Variants in PRDM7 observed in about 807,000 individuals in gnomAD.
The protein encoded by PRDM7 is histone-lysine N-methyltransferase PRDM7.
PRDM7 carries 52 observed loss-of-function variants against 64.3 expected under a neutral mutation model. The ratio of observed to expected loss-of-function variants is 0.81; its 90% CI spans 0.65 to 1.02. The LOEUF (loss-of-function observed/expected upper bound fraction) is 1.02, where lower values mean the gene tolerates loss of function less well. Ranked by LOEUF, PRDM7 falls within the 50% of genes least tolerant of loss-of-function variation. The probability of loss-of-function intolerance (pLI) is 0.00; values close to 1 mark genes in which losing one functional copy is unlikely to be tolerated. For missense variants in PRDM7, 574 were observed against 597.1 expected (o/e 0.96, Z 0.40); for synonymous variants, 192 against 210.1 (o/e 0.91, Z 0.74).
chr16:90,063,043 A>G (rs1283230881), intron 6 of PRDM7, among the ~76,000 whole-genome samples: 2 of 152,236 alleles, frequency 1.3e-5, no homozygotes, highest in Non-Finnish European at 2.9e-5. Context: ...ACAGATTACC[A>G]TTCAGGAGCC....
intron 4 of PRDM7, among the ~76,000 whole-genome samples, chr16:90,068,896 G>A (rs906071969): frequency 2.6e-5 from 4 of 151,306 alleles, no homozygotes; most frequent in East Asian, 1.9e-4. Context: ...TCCTGTGTTC[G>A]TGGATTTGAA....
chr16:90,057,803 T>G lies in PRDM7; in HGVS notation c.*486A>C. On this transcript the variant is annotated 3_prime_UTR_variant, in exon 11 of 11. Transcript: ENST00000449207. ...TGTGTGGTGATCACGTTTGTCTTCT[T>G]GTGGCTATTGAGATAAGGTTTTATT... The G allele has an allele frequency of 1.4e-6, 2 of 1,389,406 alleles. No homozygotes were observed. Among genetic ancestry groups the G allele is most frequent in the Non-Finnish European group, 1.9e-6 (2 of 1,042,008 alleles). The allele number at this position is 1,389,406 out of a possible 1,614,324, so 86.1% of individuals were successfully genotyped here. A position where few individuals can be genotyped will look rare whatever the true frequency, so the allele number is the denominator to read the frequency against.
intron 4 of PRDM7, among the ~76,000 whole-genome samples, chr16:90,069,724 T>C (rs2037929112): frequency 6.6e-6 from 1 of 150,996 alleles, no homozygotes; most frequent in East Asian, 1.9e-4. Context: ...CAGGGCAACA[T>C]AGTGAGACCT....
chr16:90,066,939 G>C (rs1485055842), intron 4 of PRDM7, 29 bp from the exon 5 acceptor site: 43 of 1,561,146 alleles, frequency 2.8e-5, no homozygotes, highest in Non-Finnish European at 3.5e-5. Context: ...TCAGTGGTTT[G>C]GTTGGTAAAT....
rs1316221579 is a variant in PRDM7 at position 90,075,342 on chromosome 16, T to C, written c.193+9A>G. 6.2e-7 allele frequency: 1 copy of C among 1,614,258 alleles called. No individual in the cohort carries two copies. The highest frequency in any genetic ancestry group is 2.2e-5 in the East Asian group (1 of 44,884). The stretch of plus-strand genomic sequence containing the variant: ...CCCAGGCTGGTCTGTGCCCAGCACT[T>C]CCTGTTACCTACAGTAATCAGTGCA... On this transcript the variant is annotated intron_variant, in intron 3 of 10. Coordinates refer to ENST00000449207, the MANE Select transcript of PRDM7 (RefSeq NM_001098173.2). The surrounding 1 kb of genome is among the most constrained non-coding windows in gnomAD (Gnocchi z 4.3).
At chr16:90,076,127 A>G in intron 1 of PRDM7, 132 bp from the exon 2 acceptor site, 1 of 592,266 alleles carries the variant, frequency 1.7e-6, no homozygotes, top group Non-Finnish European at 3.0e-6. Context: ...CGAGCACCCC[A>G]GGGAGGTCTG....
chr16:90,066,401 A>T (rs2037872945), intron 5 of PRDM7, among the ~76,000 whole-genome samples: 1 of 151,330 alleles, frequency 6.6e-6, no homozygotes, highest in Admixed American at 6.6e-5. Flanking sequence ...GTAAAGACAT[A>T]TGGGTAAGAC....
In PRDM7 at chr16:90,067,259, C is replaced by G. The variant is rs566646445; in HGVS notation, c.302-349G>C. Among the ~76,000 whole-genome samples, 2 of 151,224 alleles carry G rather than the reference C, an allele frequency of 1.3e-5. 1 individual carries two copies. The highest frequency in any genetic ancestry group is 4.9e-5 in the African/African-American group (2 of 40,622). On this transcript the variant is annotated intron_variant, in intron 4 of 10. Transcript: ENST00000449207. ...GAGATTACAGGCGTGAGCCACTATG[C>G]TTGGCCTAACTCTGGAGTTTCTCAT...
chr16:90,071,103 C>A (rs1287855134), intron 4 of PRDM7, among the ~76,000 whole-genome samples: 2 of 152,108 alleles, frequency 1.3e-5, no homozygotes, highest in South Asian at 2.1e-4. Flanking sequence ...CTGCTGCTTT[C>A]CTAGAATGCA....
In PRDM7 at chr16:90,056,827, AGGG is replaced by A. The variant is rs1312603500; in HGVS notation, c.*1459_*1461del. The A allele has an allele frequency of 6.6e-6, 1 of 152,244 alleles. No individual in the cohort carries two copies. The highest frequency in any genetic ancestry group is 1.5e-5 in the Non-Finnish European group (1 of 68,070). 9.4% of individuals were successfully genotyped at this position (152,244 alleles called of 1,614,324 possible). A position where few individuals can be genotyped will look rare whatever the true frequency, so the allele number is the denominator to read the frequency against. ...TATAGATAACATCAGTTGCTAGGTC[AGGG>A]GTCGAATTTTAACTACCAGGCTTAG... is the stretch of plus-strand genomic sequence containing the variant. On this transcript the variant is annotated 3_prime_UTR_variant, in exon 11 of 11. Coordinates refer to ENST00000449207, the MANE Select transcript of PRDM7 (RefSeq NM_001098173.2).
chr16:90,066,074 C>T (rs2037868415), intron 5 of PRDM7, among the ~76,000 whole-genome samples: 4 of 151,458 alleles, frequency 2.6e-5, no homozygotes, highest in Admixed American at 2.0e-4. Context: ...CTGCCTTCTA[C>T]AGGAATGAGC....
chr16:90,073,620 T>C (rs1373808501), intron 4 of PRDM7, among the ~76,000 whole-genome samples: 7 of 151,978 alleles, frequency 4.6e-5, no homozygotes, highest in Admixed American at 4.6e-4. Context: ...AGGATGGTCT[T>C]GATCTCCTGA....
In PRDM7 at chr16:90,075,207, A is replaced by G; in HGVS notation, c.193+144T>C. ...CCACACACAACCCTGCACTGACGCA[A>G]AAGAACAATATTTCCCTCCAGATTT... On this transcript the variant is annotated intron_variant, in intron 3 of 10. Transcript: ENST00000449207. This position sits in a 1 kb window ranked among gnomAD's most constrained non-coding sequence, Gnocchi z 4.3. 2 of 1,505,850 alleles carry G rather than the reference A, an allele frequency of 1.3e-6. No homozygotes were observed. Among genetic ancestry groups the G allele is most frequent in the Non-Finnish European group, 1.8e-6 (2 of 1,095,000 alleles). The allele number at this position is 1,505,850 out of a possible 1,614,324, so 93.3% of individuals were successfully genotyped here.
chr16:90,062,292 C>T, intron 7 of PRDM7, 100 bp from the exon 8 acceptor site: 1 of 1,613,758 alleles, frequency 6.2e-7, no homozygotes, highest in African/African-American at 1.3e-5. Flanking sequence ...TAGCCCCAAT[C>T]CTGTACTTTA....
chr16:90,062,234 T>C (rs1461772466), intron 7 of PRDM7, 42 bp from the exon 8 acceptor site: 6 of 1,614,122 alleles, frequency 3.7e-6, no homozygotes, highest in Non-Finnish European at 4.2e-6. Context: ...TTGTAATGCA[T>C]GTTCCTTGAT....
chr16:90,057,847 C>T lies in PRDM7; in HGVS notation c.*442G>A. The T allele has an allele frequency of 1.3e-6, 2 of 1,506,014 alleles. No individual in the cohort carries two copies. Among genetic ancestry groups the T allele is most frequent in the Non-Finnish European group, 9.0e-7 (1 of 1,111,242 alleles). 93.3% of individuals were successfully genotyped at this position (1,506,014 alleles called of 1,614,324 possible). On this transcript the variant is annotated 3_prime_UTR_variant, in exon 11 of 11. Transcript: ENST00000449207. The stretch of plus-strand genomic sequence containing the variant: ...TTTTATTACTAATGACTTACTCATC[C>T]TTCCTGCAGACTGGGGCGTCTCCCC...
rs948683781 is a variant in PRDM7 at position 90,077,329 on chromosome 16, C to CA, written c.-190dup. ...GGCCGGGCGTCTTCTCGGAGCCGCT[C>CA]AGGAGGTGAGACGCGGTGGGTGCCA... On this transcript the variant is annotated 5_prime_UTR_variant, in exon 1 of 11. Coordinates refer to ENST00000449207, the MANE Select transcript of PRDM7 (RefSeq NM_001098173.2). 3.8e-4 allele frequency: 58 copies of CA among 152,294 alleles called. 1 individual carries two copies. Among genetic ancestry groups the CA allele is most frequent in the African/African-American group, 1.3e-3 (53 of 41,470 alleles). 9.4% of individuals were successfully genotyped at this position (152,294 alleles called of 1,614,324 possible).
chr16:90,076,021 G>A, intron 1 of PRDM7, 26 bp from the exon 2 acceptor site: 1 of 1,251,512 alleles, frequency 8.0e-7, no homozygotes, highest in South Asian at 1.3e-5. Context: ...GTGCTGAGAT[G>A]GGGCAACAGC....
intron 5 of PRDM7, among the ~76,000 whole-genome samples, chr16:90,065,134 G>A (rs1386373549): frequency 6.7e-6 from 1 of 148,926 alleles, no homozygotes; most frequent in Non-Finnish European, 1.5e-5. Context: ...AGGCACAGTG[G>A]CTCACACCTG....
Sources: gnomAD v4.1 joint callset for allele counts (sites outside exome capture counted in the v4.1 genomes callset) on GRCh38, gnomAD v4.1.1 for gene constraint, Gnocchi (gnomAD v3.1) non-coding constraint, MANE v1.5 for transcripts, NCBI Gene and HGNC (gene_info 2026-07-23, HGNC 2026-07-21) for gene names.